The following SPSB1 variants were observed in gnomAD, a reference collection of about 807,000 sequenced individuals.
SPSB1 encodes the protein splA/ryanodine receptor domain and SOCS box containing 1, also known as SPRY domain-containing SOCS box protein 1.
Under a neutral mutation model 21.2 loss-of-function variants are expected in SPSB1, and 8 were observed. The ratio of observed to expected loss-of-function variants is 0.38; its 90% CI spans 0.22 to 0.68. SPSB1 has a LOEUF of 0.68. Ranked by LOEUF, SPSB1 falls within the 30% of genes least tolerant of loss-of-function variation. The pLI is 0.53. For synonymous variants in SPSB1, 169 were observed against 161.7 expected (o/e 1.05, Z -0.34); for missense variants, 242 against 377.8 (o/e 0.64, Z 2.98).
At chr1:9,327,434 T>C (rs1488009795) in intron 1 of SPSB1, among the ~76,000 whole-genome samples, 1 of 151,720 alleles carries the variant, frequency 6.6e-6, no homozygotes, top group Non-Finnish European at 1.5e-5. Flanking sequence ...TTCTGGGGTG[T>C]AAAGGGAAGG....
chr1:9,366,308 G>T (rs944864876), intron 2 of SPSB1, among the ~76,000 whole-genome samples: 1 of 152,236 alleles, frequency 6.6e-6, no homozygotes, highest in Non-Finnish European at 1.5e-5. Context: ...TGGGGCCTGA[G>T]CTTGGCCTGG....
intron 1 of SPSB1, among the ~76,000 whole-genome samples, chr1:9,327,358 A>C (rs1241436081): frequency 6.6e-6 from 1 of 152,248 alleles, no homozygotes; most frequent in African/African-American, 2.4e-5. Flanking sequence ...TGGCAGATAC[A>C]TGCTTAAAAG....
At chr1:9,315,419 G>A (rs1394370121) in intron 1 of SPSB1, among the ~76,000 whole-genome samples, 2 of 152,214 alleles carry the variant, frequency 1.3e-5, no homozygotes, top group Non-Finnish European at 1.5e-5. Context: ...GTTGTCTCAC[G>A]CAAGTCTTTA....
At chr1:9,366,889 AAC>A (rs898306779) in intron 2 of SPSB1, among the ~76,000 whole-genome samples, 1 of 152,192 alleles carries the variant, frequency 6.6e-6, no homozygotes, top group African/African-American at 2.4e-5. Flanking sequence ...TCAGCTTTAA[AAC>A]AGAGGTGAGA....
At chr1:9,328,137 T>G (rs1351052047) in intron 1 of SPSB1, among the ~76,000 whole-genome samples, 1 of 152,168 alleles carries the variant, frequency 6.6e-6, no homozygotes, top group Non-Finnish European at 1.5e-5. Flanking sequence ...GCCACACACC[T>G]TTACACCCCC....
chr1:9,323,536 T>G (rs921337184), intron 1 of SPSB1, among the ~76,000 whole-genome samples: 2 of 152,204 alleles, frequency 1.3e-5, no homozygotes, highest in Admixed American at 1.3e-4. Context: ...TCTGGAGCCC[T>G]GTCCACAAGC....
intron 1 of SPSB1, among the ~76,000 whole-genome samples, chr1:9,323,346 T>C (rs1639756691): frequency 6.6e-6 from 1 of 152,210 alleles, no homozygotes; most frequent in African/African-American, 2.4e-5. Context: ...GCAGTGGATG[T>C]GCCCTCCATG....
chr1:9,313,657 G>A (rs1414560477), intron 1 of SPSB1, among the ~76,000 whole-genome samples: 1 of 152,198 alleles, frequency 6.6e-6, no homozygotes, highest in African/African-American at 2.4e-5. Flanking sequence ...GGGCATGGGT[G>A]GGTGCTCCCG....
chr1:9,365,946 G>A (rs1640561975), intron 2 of SPSB1, among the ~76,000 whole-genome samples: 1 of 152,200 alleles, frequency 6.6e-6, no homozygotes, highest in Admixed American at 6.5e-5. Flanking sequence ...GAGCAAAGAG[G>A]GGTCTGCTCT....
chr1:9,323,693 T>C (rs909893118), intron 1 of SPSB1, among the ~76,000 whole-genome samples: 1 of 152,096 alleles, frequency 6.6e-6, no homozygotes, highest in Non-Finnish European at 1.5e-5. Context: ...CGAGAGCCCA[T>C]GTTGGGCAGA....
intron 2 of SPSB1, among the ~76,000 whole-genome samples, chr1:9,364,734 G>C (rs1281780533): frequency 6.6e-6 from 1 of 152,186 alleles, no homozygotes; most frequent in Non-Finnish European, 1.5e-5. Flanking sequence ...TCCTTGTCAG[G>C]AGCTGTGGCT....
intron 1 of SPSB1, among the ~76,000 whole-genome samples, chr1:9,338,831 G>A (rs924386426): frequency 7.2e-5 from 11 of 152,148 alleles, no homozygotes; most frequent in African/African-American, 2.7e-4. Flanking sequence ...GCCTTGCTCT[G>A]CTGTGCTTTC....
Position 9,302,184 on chromosome 1 carries a change from T to A in SPSB1, c.-150+9113T>A, listed in dbSNP as rs115639204. Reference sequence around the variant, plus strand: ...GGAAATTAAGTATGGTTTAAGAAGATGCCAGTGGGTGCCTATGGGTGCCAG... The same window carrying A: ...GGAAATTAAGTATGGTTTAAGAAGAAGCCAGTGGGTGCCTATGGGTGCCAG... On this transcript the variant is annotated intron_variant, in intron 1 of 2. Transcript: ENST00000328089. Among the ~76,000 whole-genome samples the A allele has an allele frequency of 3.0e-3, 454 of 152,354 alleles. 1 individual carries two copies. Among genetic ancestry groups the A allele is most frequent in the African/African-American group, 0.01 (436 of 41,586 alleles).
intron 1 of SPSB1, among the ~76,000 whole-genome samples, chr1:9,319,352 G>C (rs1033484002): frequency 1.3e-5 from 2 of 152,152 alleles, no homozygotes; most frequent in African/African-American, 4.8e-5. Context: ...TCACCAAGGC[G>C]GGGAACACAC....
intron 2 of SPSB1, among the ~76,000 whole-genome samples, chr1:9,358,708 ACT>A (rs1640417326): frequency 6.6e-6 from 1 of 152,120 alleles, no homozygotes; most frequent in South Asian, 2.1e-4. Flanking sequence ...TTGCCTGCCC[ACT>A]GAGACTGTGG....
intron 1 of SPSB1, among the ~76,000 whole-genome samples, chr1:9,335,941 A>G (rs1002623797): frequency 1.3e-5 from 2 of 152,238 alleles, no homozygotes; most frequent in South Asian, 2.1e-4. Context: ...ATGCATTCAT[A>G]CATATCAAGT....
chr1:9,308,261 G>C (rs1378706138), intron 1 of SPSB1, among the ~76,000 whole-genome samples: 1 of 152,164 alleles, frequency 6.6e-6, no homozygotes, highest in South Asian at 2.1e-4. Context: ...GCCCTGACTG[G>C]TGGCACCTAG....
Position 9,317,916 on chromosome 1 carries a change from T to C in SPSB1, c.-150+24845T>C, listed in dbSNP as rs1204751205. On this transcript the variant is annotated intron_variant, in intron 1 of 2. Coordinates refer to ENST00000328089, the MANE Select transcript of SPSB1 (RefSeq NM_025106.4). This position sits in a 1 kb window ranked among gnomAD's most constrained non-coding sequence, Gnocchi z 4.3. ...AGTTTCTTGCTTCCTTGGCACACCATTCGCTCCGCGAGTTTGTTAAGGGCC... is the reference window on the plus strand; with the variant it reads ...AGTTTCTTGCTTCCTTGGCACACCACTCGCTCCGCGAGTTTGTTAAGGGCC... Among the ~76,000 whole-genome samples the C allele has an allele frequency of 6.7e-6, 1 of 150,220 alleles. No homozygotes were observed. Among genetic ancestry groups the C allele is most frequent in the Non-Finnish European group, 1.5e-5 (1 of 67,698 alleles).
intron 1 of SPSB1, among the ~76,000 whole-genome samples, chr1:9,349,953 C>T (rs1207446276): frequency 6.6e-6 from 1 of 152,094 alleles, no homozygotes; most frequent in African/African-American, 2.4e-5. Context: ...CACACAGACA[C>T]ACGCCACACA....
Sources: allele counts gnomAD v4.1 joint callset (sites outside exome capture counted in the v4.1 genomes callset), GRCh38; gene constraint gnomAD v4.1.1; non-coding constraint Gnocchi (gnomAD v3.1); transcripts MANE v1.5; gene names NCBI Gene and HGNC (gene_info 2026-07-23, HGNC 2026-07-21).